NDUFB10: variants seen among roughly 807,000 people sequenced by gnomAD.
NDUFB10 encodes NADH dehydrogenase [ubiquinone] 1 beta subcomplex subunit 10.
Under a neutral mutation model 19.0 loss-of-function variants are expected in NDUFB10, and 23 were observed. That is an observed-to-expected ratio of 1.21 (90% CI 0.87 to 1.71). The LOEUF (loss-of-function observed/expected upper bound fraction) is 1.71, where lower values mean the gene tolerates loss of function less well. Ranked by LOEUF, NDUFB10 falls within the 40% of genes most tolerant of loss-of-function variation. The pLI is 0.00. For missense variants in NDUFB10, 312 were observed against 230.6 expected, an observed-to-expected ratio of 1.35 and a Z score of -2.29; for synonymous variants, 104 against 81.8, an observed-to-expected ratio of 1.27 and a Z score of -1.46.
chr16:1,959,677 C>CG lies in NDUFB10; in HGVS notation c.55dup (p.Val19GlyfsTer52). 6.2e-7 allele frequency: 1 copy of CG among 1,613,296 alleles called. No homozygotes were observed. ...TACCCTGAGCCCCCGCGCCGCACGC[C>CG]GGTGCAGCCCAATCCCATCGTCTAC... On this transcript the variant is annotated frameshift_variant, in exon 1 of 4. Transcript: ENST00000268668. LOFTEE classifies it high-confidence loss of function.
rs1597036283 is a variant in NDUFB10, at chr16:1,961,968, G to A, written c.*62G>A. On this transcript the variant is annotated 3_prime_UTR_variant, in exon 4 of 4. Transcript: ENST00000268668. Reference sequence around the variant, plus strand: ...GACTGTTGCTGAAATATAAAGCCCTGCAACCTGCCTGTGTGTCTGGTGTGA... The same window carrying A: ...GACTGTTGCTGAAATATAAAGCCCTACAACCTGCCTGTGTGTCTGGTGTGA... 3 of 1,496,700 alleles carry A rather than the reference G, an allele frequency of 2.0e-6. No individual in the cohort carries two copies. The highest frequency in any genetic ancestry group is 2.4e-5 in the East Asian group (1 of 40,874). The allele number at this position is 1,496,700 out of a possible 1,614,324, so 92.7% of individuals were successfully genotyped here. A position where few individuals can be genotyped will look rare whatever the true frequency, so the allele number is the denominator to read the frequency against.
intron 1 of NDUFB10, 86 bp downstream of exon 1, chr16:1,959,840 G>A: frequency 6.4e-7 from 1 of 1,558,700 alleles, no homozygotes; most frequent in South Asian, 1.1e-5. Flanking sequence ...AATGCCTCCG[G>A]GGTCCCGTCT....
chr16:1,960,312 C>T (rs2083245002), intron 1 of NDUFB10, among the ~76,000 whole-genome samples: 1 of 151,954 alleles, frequency 6.6e-6, no homozygotes, highest in Non-Finnish European at 1.5e-5. Flanking sequence ...CTCTGCCCCA[C>T]CCCGGGTTCA....
intron 1 of NDUFB10, 60 bp downstream of exon 1, chr16:1,959,814 C>A: frequency 6.3e-7 from 1 of 1,598,170 alleles, no homozygotes; most frequent in East Asian, 2.3e-5. Flanking sequence ...GATCCCACAC[C>A]CTGCCTGGAT....
chr16:1,959,628 C>T lies in NDUFB10; in HGVS notation c.4C>T (p.Pro2Ser), dbSNP rs755685232. The part of the protein sequence containing the change: M[P>S]DSWDKDVYPE... The stretch of plus-strand genomic sequence containing the variant: ...GGAGTCCGCGCCCGCCGCCGCCATG[C>T]CGGACAGCTGGGACAAGGATGTGTA... The change falls in exon 1 of 4, where the codon CCG becomes TCG. Residue 2 changes from proline (P) to serine (S), a missense_variant. By Grantham distance (74) the Pro-to-Ser change is moderately conservative. Transcript: ENST00000268668. 3.1e-6 allele frequency: 5 copies of T among 1,607,930 alleles called. No individual in the cohort carries two copies. The Admixed American group carries it at 8.4e-5, about 27-fold the overall frequency.
Position 1,961,247 on chromosome 16 carries a change from C to G in NDUFB10, c.225C>G (p.Asp75Glu), listed in dbSNP as rs779919042. The part of the protein sequence containing the change: ...VPDITECKEE[D>E]IMCMYEAEMQ... ...ACATCACTGAGTGCAAGGAGGAGGA[C>G]ATCATGTGCATGTATGAAGCCGAAA... Residue 75 changes from aspartate (D) to glutamate (E), a missense_variant, in exon 2 of 4, where the codon GAC (aspartate) becomes GAG (glutamate). Physicochemically the swap from Asp to Glu is conservative, Grantham distance 45. Transcript: ENST00000268668. 24 of 1,613,950 alleles carry G rather than the reference C, an allele frequency of 1.5e-5. No homozygotes were observed. The highest frequency in any genetic ancestry group is 3.3e-5 in the South Asian group (3 of 91,090).
Position 1,961,278 on chromosome 16 carries a change from T to C in NDUFB10, c.256T>C (p.Trp86Arg), listed in dbSNP as rs2083252591. Reference protein sequence around the residue: ...IMCMYEAEMQWKRDYKVDQEI... With the variant: ...IMCMYEAEMQRKRDYKVDQEI... ...GTGCATGTATGAAGCCGAAATGCAG[T>C]GGAAGAGGGACTAGTACGTGAGCCA... The change falls in exon 2 of 4, where the codon TGG (tryptophan) becomes CGG (arginine). Residue 86 changes from tryptophan to arginine, a missense_variant. Physicochemically the swap from Trp to Arg is moderately radical, Grantham distance 101. Coordinates refer to ENST00000268668, the MANE Select transcript of NDUFB10 (RefSeq NM_004548.3). 3.7e-6 allele frequency: 6 copies of C among 1,613,738 alleles called. No individual in the cohort carries two copies. Among genetic ancestry groups the C allele is most frequent in the Admixed American group, 3.3e-5 (2 of 59,990 alleles).
intron 1 of NDUFB10, among the ~76,000 whole-genome samples, chr16:1,960,578 AAG>A (rs1276894587): frequency 6.6e-6 from 1 of 152,220 alleles, no homozygotes; most frequent in East Asian, 1.9e-4. Flanking sequence ...GTTCTTCCGT[AAG>A]AGGGTGAAGT....
chr16:1,960,304 C>T (rs1264094717), intron 1 of NDUFB10, among the ~76,000 whole-genome samples: 2 of 151,944 alleles, frequency 1.3e-5, no homozygotes, highest in Non-Finnish European at 2.9e-5. Context: ...ACTGCAACCT[C>T]TGCCCCACCC....
At position 1,959,743 on chromosome 16, in the gene NDUFB10, C is replaced by A. The variant is rs1362030619; in HGVS notation, c.119C>A (p.Thr40Asn). 33 of 1,613,206 alleles carry A rather than the reference C, an allele frequency of 2.0e-5. No homozygotes were observed. The highest frequency in any genetic ancestry group is 2.8e-5 in the Non-Finnish European group (33 of 1,179,678). ...GACCTCATCGTGGACCGACCCGTGA[C>A]CCTCGTGAGAGGTACGAAGCCCCAG... is the stretch of plus-strand genomic sequence containing the variant. ...AFDLIVDRPVTLVREFIERQH... is the reference protein window; with the variant it reads ...AFDLIVDRPVNLVREFIERQH... The change falls in exon 1 of 4, where the codon ACC (threonine) becomes AAC (asparagine). Residue 40 changes from threonine to asparagine, a missense_variant. Transcript: ENST00000268668.
rs749181367 is a variant in NDUFB10, at chr16:1,961,929, G to T, written c.*23G>T. The T allele has an allele frequency of 7.1e-6, 11 of 1,543,710 alleles. No homozygotes were observed. ...TGAGGCAGCTGTGGGTGCCCCTGCTGTGTGGCTCTGTATGACTGTTGCTGA... is the reference window on the plus strand; with the variant it reads ...TGAGGCAGCTGTGGGTGCCCCTGCTTTGTGGCTCTGTATGACTGTTGCTGA... On this transcript the variant is annotated 3_prime_UTR_variant, in exon 4 of 4. Transcript: ENST00000268668.
intron 1 of NDUFB10, 74 bp downstream of exon 1, chr16:1,959,828 C>A: frequency 6.3e-7 from 1 of 1,574,988 alleles, no homozygotes; most frequent in South Asian, 1.1e-5. Flanking sequence ...CCTGGATCCT[C>A]CAATGCCTCC....
intron 1 of NDUFB10, 25 bp downstream of exon 1, chr16:1,959,779 C>T (rs776195683): frequency 6.2e-7 from 1 of 1,611,462 alleles, no homozygotes; most frequent in East Asian, 2.2e-5. Context: ...CCCGGGGCTC[C>T]CTCGCCGGCC....
rs2083252447 is a variant in NDUFB10, at chr16:1,961,263, G to A, written c.241G>A (p.Glu81Lys). Reference protein sequence around the residue: ...CKEEDIMCMYEAEMQWKRDYK... With the variant: ...CKEEDIMCMYKAEMQWKRDYK... Reference sequence around the variant, plus strand: ...GGAGGAGGACATCATGTGCATGTATGAAGCCGAAATGCAGTGGAAGAGGGA... The same window carrying A: ...GGAGGAGGACATCATGTGCATGTATAAAGCCGAAATGCAGTGGAAGAGGGA... The change falls in exon 2 of 4, where the codon GAA becomes AAA. Residue 81 changes from glutamate to lysine, a missense_variant. By Grantham distance (56) the Glu-to-Lys change is moderately conservative. Transcript: ENST00000268668. 6.2e-7 allele frequency: 1 copy of A among 1,613,926 alleles called. No individual in the cohort carries two copies. The highest frequency in any genetic ancestry group is 1.3e-5 in the African/African-American group (1 of 74,948).
rs765628078 is a variant in NDUFB10 at position 1,959,629 on chromosome 16, C to T, written c.5C>T (p.Pro2Leu). Residue 2 changes from proline (P) to leucine (L), a missense_variant, in exon 1 of 4, where the codon CCG becomes CTG. Physicochemically the swap from Pro to Leu is moderately conservative, Grantham distance 98. Transcript: ENST00000268668. M[P>L]DSWDKDVYPE... ...GAGTCCGCGCCCGCCGCCGCCATGCCGGACAGCTGGGACAAGGATGTGTAC... is the reference window on the plus strand; with the variant it reads ...GAGTCCGCGCCCGCCGCCGCCATGCTGGACAGCTGGGACAAGGATGTGTAC... 1.1e-5 allele frequency: 18 copies of T among 1,609,248 alleles called. No individual in the cohort carries two copies. The highest frequency in any genetic ancestry group is 1.6e-4 in the Middle Eastern group (1 of 6,072).
chr16:1,959,842 G>A lies in NDUFB10; in HGVS notation c.130+88G>A, dbSNP rs896688988. 1.2e-5 allele frequency: 19 copies of A among 1,550,908 alleles called. No individual in the cohort carries two copies. In the Admixed American group the frequency reaches 2.1e-4, roughly 17 times the overall value. ...GCCTGGATCCTCCAATGCCTCCGGG[G>A]TCCCGTCTGCCTGAGACCGCCCCCC... is the stretch of plus-strand genomic sequence containing the variant. On this transcript the variant is annotated intron_variant, in intron 1 of 3. Coordinates refer to ENST00000268668, the MANE Select transcript of NDUFB10 (RefSeq NM_004548.3).
chr16:1,959,857 G>C, intron 1 of NDUFB10, 103 bp downstream of exon 1: 1 of 1,485,554 alleles, frequency 6.7e-7, no homozygotes, highest in Non-Finnish European at 9.2e-7. Context: ...GTCTGCCTGA[G>C]ACCGCCCCCC....
At chr16:1,961,471 C>T in intron 2 of NDUFB10, 26 bp from the exon 3 acceptor site, 1 of 1,612,676 alleles carries the variant, frequency 6.2e-7, no homozygotes. Context: ...TTGTGATTAG[C>T]CTCTCTTGCT....
chr16:1,959,673 A>G lies in NDUFB10; in HGVS notation c.49A>G (p.Thr17Ala). 1 of 1,612,720 alleles carries G rather than the reference A, an allele frequency of 6.2e-7. No individual in the cohort carries two copies. Among genetic ancestry groups the G allele is most frequent in the Non-Finnish European group, 8.5e-7 (1 of 1,179,578 alleles). Reference sequence around the variant, plus strand: ...TGTGTACCCTGAGCCCCCGCGCCGCACGCCGGTGCAGCCCAATCCCATCGT... The same window carrying G: ...TGTGTACCCTGAGCCCCCGCGCCGCGCGCCGGTGCAGCCCAATCCCATCGT... ...KDVYPEPPRR[T>A]PVQPNPIVYM... Residue 17 changes from threonine (T) to alanine (A), a missense_variant, in exon 1 of 4, where the codon ACG becomes GCG. By Grantham distance (58) the Thr-to-Ala change is moderately conservative. Coordinates refer to ENST00000268668, the MANE Select transcript of NDUFB10 (RefSeq NM_004548.3).
Sources: gnomAD v4.1 joint callset for allele counts (sites outside exome capture counted in the v4.1 genomes callset) on GRCh38, gnomAD v4.1.1 for gene constraint, MANE v1.5 for transcripts, NCBI Gene and HGNC (gene_info 2026-07-23, HGNC 2026-07-21) for gene names.